Variants in ZCCHC7 observed in about 807,000 individuals in gnomAD.
ZCCHC7 encodes zinc finger CCHC domain-containing protein 7.
A neutral mutation model predicts 52.0 loss-of-function variants in ZCCHC7; 35 were observed. The ratio of observed to expected loss-of-function variants is 0.67; its 90% confidence interval spans 0.51 to 0.89. The LOEUF (loss-of-function observed/expected upper bound fraction) is 0.89, where lower values mean the gene tolerates loss of function less well. Among genes scored for constraint, ZCCHC7 ranks in the 40% least tolerant of loss-of-function variants. The probability of loss-of-function intolerance (pLI) is 0.00; values close to 1 mark genes in which losing one functional copy is unlikely to be tolerated. For missense variants in ZCCHC7, 574 were observed against 649.1 expected (o/e 0.88, Z 1.26); for synonymous variants, 217 against 221.5 (o/e 0.98, Z 0.18).
Position 37,212,805 on chromosome 9 carries a change from T to C in ZCCHC7, c.610+85863T>C, listed in dbSNP as rs549270239. ...TACCTGTACATCAACAATATATCAG[T>C]GTATACACCTTCTGAATCCTTCTAT... is the stretch of plus-strand genomic sequence containing the variant. On this transcript the variant is annotated intron_variant, in intron 2 of 8. Transcript: ENST00000336755. Among the ~76,000 whole-genome samples, 21 of 152,350 alleles carry C rather than the reference T, an allele frequency of 1.4e-4. No individual in the cohort carries two copies. In the East Asian group the frequency reaches 1.9e-3, roughly 14 times the overall value.
chr9:37,130,333 CCTTTT>C lies in ZCCHC7; in HGVS notation c.610+3392_610+3396del, dbSNP rs1170993050. Among the ~76,000 whole-genome samples the C allele has an allele frequency of 1.2e-3, 136 of 112,924 alleles. 1 individual carries two copies. Among genetic ancestry groups the C allele is most frequent in the African/African-American group, 4.4e-3 (131 of 29,910 alleles). The allele number at this position is 112,924 out of a possible 152,430, so 74.1% of individuals were successfully genotyped here. The stretch of plus-strand genomic sequence containing the variant: ...AGCTAAGTAATTTACGGAATTCTCT[CCTTTT>C]TTTTTTTTTTTTTTTTTTTTTTTTT... On this transcript the variant is annotated intron_variant, in intron 2 of 8. Coordinates refer to ENST00000336755, the MANE Select transcript of ZCCHC7 (RefSeq NM_032226.3).
At chr9:37,182,377 A>G (rs1016491420) in intron 2 of ZCCHC7, among the ~76,000 whole-genome samples, 1 of 138,396 alleles carries the variant, frequency 7.2e-6, no homozygotes, top group Non-Finnish European at 1.5e-5. Flanking sequence ...TTTGAGATGT[A>G]GTCTTGCTCT....
At chr9:37,246,173 T>C (rs1826073139) in intron 2 of ZCCHC7, among the ~76,000 whole-genome samples, 1 of 152,106 alleles carries the variant, frequency 6.6e-6, no homozygotes, top group South Asian at 2.1e-4. Context: ...TTCTGGATAG[T>C]GAATACTAGA....
At chr9:37,349,491 G>A (rs377457163) in intron 7 of ZCCHC7, 39 bp downstream of exon 7, 9 of 1,570,814 alleles carry the variant, frequency 5.7e-6, no homozygotes, top group Middle Eastern at 1.7e-4. Context: ...GCATTCTGTT[G>A]TCAGGGAGTG....
intron 2 of ZCCHC7, among the ~76,000 whole-genome samples, chr9:37,138,685 A>G (rs1449496445): frequency 6.6e-6 from 1 of 150,546 alleles, no homozygotes; most frequent in Non-Finnish European, 1.5e-5. Context: ...CACTCACCTT[A>G]TCTACAGGTT....
At chr9:37,185,061 T>A (rs966120284) in intron 2 of ZCCHC7, among the ~76,000 whole-genome samples, 2 of 152,164 alleles carry the variant, frequency 1.3e-5, no homozygotes, top group African/African-American at 4.8e-5. Context: ...CTTAACATGT[T>A]GTCCCCTTGA....
At chr9:37,222,854 AGTGGGGAAT>A (rs1824897312) in intron 2 of ZCCHC7, among the ~76,000 whole-genome samples, 1 of 152,160 alleles carries the variant, frequency 6.6e-6, no homozygotes, top group African/African-American at 2.4e-5. Flanking sequence ...GAAACGCTCT[AGTGGGGAAT>A]GTGGGCCAAG....
chr9:37,279,667 C>T (rs1218199410), intron 2 of ZCCHC7, among the ~76,000 whole-genome samples: 3 of 150,656 alleles, frequency 2.0e-5, no homozygotes, highest in Non-Finnish European at 4.4e-5. Context: ...GAGACAAGCC[C>T]AGGCAACATA....
rs1821759274 is a variant in ZCCHC7 at position 37,357,175 on chromosome 9, CA to C, written c.1541del (p.Lys514ArgfsTer37). On this transcript the variant is annotated frameshift_variant, in exon 9 of 9. Transcript: ENST00000336755. LOFTEE classifies it high-confidence loss of function. ...SREDKSPKEG[K>X]RGKQKKKERC... is the part of the protein sequence containing the mutation. ...GAGAAGACAAGTCTCCCAAGGAAGGCAAGAGGGGCAAGCAGAAGAAAAAGGA... is the reference window on the plus strand; with the variant it reads ...GAGAAGACAAGTCTCCCAAGGAAGGCAGAGGGGCAAGCAGAAGAAAAAGGA... 1.2e-6 allele frequency: 2 copies of C among 1,612,944 alleles called. No homozygotes were observed. The highest frequency in any genetic ancestry group is 1.7e-6 in the Non-Finnish European group (2 of 1,179,856).
intron 6 of ZCCHC7, among the ~76,000 whole-genome samples, chr9:37,337,397 A>ACCCCCCCC (rs1264594478): frequency 5.8e-5 from 1 of 17,250 alleles, no homozygotes; most frequent in Admixed American, 7.3e-4. Flanking sequence ...CACCCTACCC[A>ACCCCCCCC]CCCACCCCCC....
chr9:37,355,826 G>A (rs996426622), intron 8 of ZCCHC7, among the ~76,000 whole-genome samples: 1 of 152,196 alleles, frequency 6.6e-6, no homozygotes, highest in South Asian at 2.1e-4. Context: ...TTGTGCAAGG[G>A]TCAGCTGTGT....
chr9:37,246,467 A>G (rs1038970234), intron 2 of ZCCHC7, among the ~76,000 whole-genome samples: 4 of 152,134 alleles, frequency 2.6e-5, no homozygotes, highest in Non-Finnish European at 5.9e-5. Flanking sequence ...TCAAATGTGA[A>G]TGCATTGTGA....
At chr9:37,237,542 C>T (rs1011293652) in intron 2 of ZCCHC7, among the ~76,000 whole-genome samples, 4 of 152,126 alleles carry the variant, frequency 2.6e-5, no homozygotes, top group South Asian at 4.1e-4. Context: ...TCTCCTTAAC[C>T]GTACTGTAAA....
At chr9:37,273,576 TCTC>T (rs1174788218) in intron 2 of ZCCHC7, among the ~76,000 whole-genome samples, 2 of 152,156 alleles carry the variant, frequency 1.3e-5, no homozygotes, top group East Asian at 3.8e-4. Context: ...AATTATTAGA[TCTC>T]CTCAGCAAGG....
chr9:37,126,948 T>C lies in ZCCHC7; in HGVS notation c.610+6T>C. The stretch of plus-strand genomic sequence containing the variant: ...TGAAAACTCTGTTACTGAAGGTTAG[T>C]ATCATATTGGCCATTTTGAAAGTAG... On this transcript the variant is annotated splice_donor_region_variant and intron_variant, in intron 2 of 8. Transcript: ENST00000336755. 6.2e-7 allele frequency: 1 copy of C among 1,611,438 alleles called. No homozygotes were observed.
At chr9:37,204,054 A>G (rs1823778072) in intron 2 of ZCCHC7, among the ~76,000 whole-genome samples, 1 of 152,140 alleles carries the variant, frequency 6.6e-6, no homozygotes, top group Non-Finnish European at 1.5e-5. Context: ...TTCTCTGATG[A>G]TCAGTGATGT....
intron 1 of ZCCHC7, among the ~76,000 whole-genome samples, chr9:37,124,160 G>A (rs902600120): frequency 6.6e-6 from 1 of 152,034 alleles, no homozygotes; most frequent in Admixed American, 6.6e-5. Flanking sequence ...ATAGCTGTTA[G>A]TGGAAGAAAG....
Position 37,126,315 on chromosome 9 carries a change from C to T in ZCCHC7, c.-18C>T. 1.3e-6 allele frequency: 2 copies of T among 1,599,828 alleles called. No homozygotes were observed. Among genetic ancestry groups the T allele is most frequent in the Non-Finnish European group, 1.7e-6 (2 of 1,173,622 alleles). Reference sequence around the variant, plus strand: ...TGTACAACTTTCTCTTTTGCAGCTTCAAGGTTACTGACTTTTTATGATGTT... The same window carrying T: ...TGTACAACTTTCTCTTTTGCAGCTTTAAGGTTACTGACTTTTTATGATGTT... On this transcript the variant is annotated 5_prime_UTR_variant, in exon 2 of 9. Coordinates refer to ENST00000336755, the MANE Select transcript of ZCCHC7 (RefSeq NM_032226.3).
intron 2 of ZCCHC7, among the ~76,000 whole-genome samples, chr9:37,203,733 G>T (rs572542637): frequency 6.6e-6 from 1 of 152,128 alleles, no homozygotes; most frequent in Non-Finnish European, 1.5e-5. Context: ...TTGGTTCCAT[G>T]TCTTTTGTAT....
Sources: allele counts gnomAD v4.1 joint callset (sites outside exome capture counted in the v4.1 genomes callset), GRCh38; gene constraint gnomAD v4.1.1; transcripts MANE v1.5; gene names NCBI Gene and HGNC (gene_info 2026-07-23, HGNC 2026-07-21).